The following CDC42BPB variants were observed in gnomAD, a reference collection of about 807,000 sequenced individuals.
CDC42BPB encodes the protein serine/threonine-protein kinase MRCK beta.
CDC42BPB carries 37 observed loss-of-function variants against 214.9 expected under a neutral mutation model. The ratio of observed to expected loss-of-function variants is 0.17; its 90% CI spans 0.13 to 0.23. The LOEUF is 0.23. Among genes scored for constraint, CDC42BPB ranks in the 10% least tolerant of loss-of-function variants. The pLI, the probability that CDC42BPB is intolerant of heterozygous loss-of-function variation, is 1.00. For synonymous variants in CDC42BPB, 931 were observed against 884.0 expected (o/e 1.05, Z -0.94); for missense variants, 1,694 against 2,227.0 (o/e 0.76, Z 4.82).
At chr14:102,939,111 T>A (rs1891772620) in intron 34 of CDC42BPB, among the ~76,000 whole-genome samples, 1 of 152,052 alleles carries the variant, frequency 6.6e-6, no homozygotes, top group Non-Finnish European at 1.5e-5. Flanking sequence ...TAATTTCTTT[T>A]TGTATTTTTA....
At chr14:103,020,466 A>T (rs948456006) in intron 1 of CDC42BPB, among the ~76,000 whole-genome samples, 1 of 152,186 alleles carries the variant, frequency 6.6e-6, no homozygotes, top group Admixed American at 6.5e-5. Flanking sequence ...GCTGCAGGGG[A>T]GGCACCTACC....
chr14:103,008,219 A>C (rs182976275), intron 3 of CDC42BPB, among the ~76,000 whole-genome samples: 7 of 152,326 alleles, frequency 4.6e-5, no homozygotes, highest in Admixed American at 3.9e-4. Context: ...CCTTTACAGT[A>C]AACAGGACCC....
chr14:103,021,003 CA>C (rs1001763059), intron 1 of CDC42BPB, among the ~76,000 whole-genome samples: 3 of 152,236 alleles, frequency 2.0e-5, no homozygotes, highest in African/African-American at 4.8e-5. Flanking sequence ...ACTCTTCCCA[CA>C]AGCCCTCTTA....
intron 16 of CDC42BPB, among the ~76,000 whole-genome samples, chr14:102,967,533 C>T (rs935192414): frequency 3.3e-5 from 5 of 152,236 alleles, no homozygotes; most frequent in Admixed American, 1.3e-4. Context: ...GCACACACAG[C>T]GTGAATGCAC....
intron 21 of CDC42BPB, among the ~76,000 whole-genome samples, chr14:102,958,003 C>T (rs116778504): frequency 0.011 from 1,606 of 152,332 alleles, 30 homozygotes; most frequent in African/African-American, 0.037. Flanking sequence ...TTCTGCAGGA[C>T]AACTGGCCTG....
At chr14:103,048,956 C>A (rs1312530782) in intron 1 of CDC42BPB, among the ~76,000 whole-genome samples, 4 of 152,090 alleles carry the variant, frequency 2.6e-5, no homozygotes, top group African/African-American at 9.7e-5. Context: ...AAAACTATTT[C>A]CCTTAGTAAA....
chr14:103,029,993 G>A (rs1241145844), intron 1 of CDC42BPB, among the ~76,000 whole-genome samples: 2 of 152,108 alleles, frequency 1.3e-5, no homozygotes, highest in African/African-American at 2.4e-5. Flanking sequence ...CAGCACCTGA[G>A]GGGCTCTCCA....
intron 3 of CDC42BPB, among the ~76,000 whole-genome samples, chr14:103,007,330 C>T (rs1885891007): frequency 6.6e-6 from 1 of 152,098 alleles, no homozygotes; most frequent in South Asian, 2.1e-4. Context: ...GACTGAGTCA[C>T]GAGGAACCGA....
chr14:102,982,857 C>T (rs1247372595), intron 7 of CDC42BPB, among the ~76,000 whole-genome samples: 5 of 151,712 alleles, frequency 3.3e-5, no homozygotes, highest in African/African-American at 9.7e-5. Flanking sequence ...CCAGCCTGGG[C>T]GACAGAGTGA....
chr14:103,034,110 C>T (rs950183054), intron 1 of CDC42BPB, among the ~76,000 whole-genome samples: 3 of 152,292 alleles, frequency 2.0e-5, no homozygotes, highest in Admixed American at 6.5e-5. Context: ...TCTAAGATGG[C>T]GACTCTCTTA....
intron 1 of CDC42BPB, among the ~76,000 whole-genome samples, chr14:103,053,590 T>C (rs1333932687): frequency 2.0e-5 from 3 of 150,416 alleles, no homozygotes; most frequent in Non-Finnish European, 3.0e-5. Context: ...TGAAACCCCG[T>C]CTCTACTAAA....
chr14:103,036,563 ACTAT>A, intron 1 of CDC42BPB, among the ~76,000 whole-genome samples: 1 of 152,282 alleles, frequency 6.6e-6, no homozygotes, highest in South Asian at 2.1e-4. Flanking sequence ...AAAACCACAG[ACTAT>A]CTACAGACTA....
Position 103,056,981 on chromosome 14 carries a change from C to T in CDC42BPB, c.175+18G>A. ...GGGTCGCAGAGCCGCAGGTCCGGCC[C>T]TGCCGGCGCGCACTTACCCCACTCG... On this transcript the variant is annotated intron_variant, in intron 1 of 36. Coordinates refer to ENST00000361246, the MANE Select transcript of CDC42BPB (RefSeq NM_006035.4). 2 of 1,396,550 alleles carry T rather than the reference C, an allele frequency of 1.4e-6. No homozygotes were observed. The highest frequency in any genetic ancestry group is 1.9e-6 in the Non-Finnish European group (2 of 1,071,034). The allele number at this position is 1,396,550 out of a possible 1,614,324, so 86.5% of individuals were successfully genotyped here. A position where few individuals can be genotyped will look rare whatever the true frequency, so the allele number is the denominator to read the frequency against.
chr14:103,031,249 G>C (rs899503986), intron 1 of CDC42BPB, among the ~76,000 whole-genome samples: 1 of 152,058 alleles, frequency 6.6e-6, no homozygotes, highest in African/African-American at 2.4e-5. Flanking sequence ...CGTAAACGCA[G>C]TAATAAACAG....
At chr14:103,048,532 CAAAAAAAA>C (rs71119751) in intron 1 of CDC42BPB, among the ~76,000 whole-genome samples, 43 of 42,658 alleles carry the variant, frequency 1.0e-3, no homozygotes, top group South Asian at 4.5e-3. Context: ...ACTAAAAATA[CAAAAAAAA>C]AAAAAAAAAA....
intron 17 of CDC42BPB, 34 bp downstream of exon 17, chr14:102,967,012 G>C (rs758753826): frequency 1.2e-6 from 2 of 1,604,990 alleles, no homozygotes; most frequent in South Asian, 2.2e-5. Context: ...AGCAGGGAGC[G>C]GATTCACGGC....
chr14:103,042,368 G>A (rs1298329231), intron 1 of CDC42BPB, among the ~76,000 whole-genome samples: 2 of 151,460 alleles, frequency 1.3e-5, no homozygotes, highest in East Asian at 1.9e-4. Flanking sequence ...GGAGTTCAGT[G>A]GCGTGATCTC....
chr14:102,978,046 C>T, intron 9 of CDC42BPB, 80 bp downstream of exon 9: 1 of 1,126,208 alleles, frequency 8.9e-7, no homozygotes, highest in South Asian at 1.3e-5. Flanking sequence ...TAGCCCGCCC[C>T]CAGGGACAGA....
At chr14:103,002,752 C>A (rs1895046407) in intron 4 of CDC42BPB, among the ~76,000 whole-genome samples, 1 of 152,124 alleles carries the variant, frequency 6.6e-6, no homozygotes, top group Non-Finnish European at 1.5e-5. Flanking sequence ...GCCCCAGACA[C>A]CCCCTTATGA....
Sources: gnomAD v4.1 joint callset for allele counts (sites outside exome capture counted in the v4.1 genomes callset) on GRCh38, gnomAD v4.1.1 for gene constraint, MANE v1.5 for transcripts, NCBI Gene and HGNC (gene_info 2026-07-23, HGNC 2026-07-21) for gene names.